The following NRF1 variants were observed in gnomAD, a reference collection of about 807,000 sequenced individuals.
NRF1 encodes alpha palindromic-binding protein.
NRF1 carries 5 observed loss-of-function variants against 58.5 expected under a neutral mutation model. That is an observed-to-expected ratio of 0.09 (90% CI 0.04 to 0.18). The LOEUF is 0.18. NRF1 is among the 10% of genes least tolerant of loss of function. The pLI is 1.00. For missense variants in NRF1, 288 were observed against 657.7 expected, an observed-to-expected ratio of 0.44 and a Z score of 6.15; for synonymous variants, 224 against 246.7, an observed-to-expected ratio of 0.91 and a Z score of 0.86.
intron 3 of NRF1, 98 bp downstream of exon 3, chr7:129,671,641 G>A: frequency 1.5e-6 from 1 of 667,670 alleles, no homozygotes; most frequent in Non-Finnish European, 2.7e-6. Context: ...AGGATGCTTG[G>A]TTCGATTCCT....
chr7:129,696,482 T>C (rs964782426), intron 5 of NRF1, among the ~76,000 whole-genome samples: 2 of 152,170 alleles, frequency 1.3e-5, no homozygotes, highest in African/African-American at 2.4e-5. Context: ...ATTCTTATTT[T>C]ATAGTCAAGG....
At chr7:129,689,421 G>A (rs2402974) in intron 4 of NRF1, among the ~76,000 whole-genome samples, 19,517 of 152,120 alleles carry the variant, frequency 0.13, 1,590 homozygotes, top group Admixed American at 0.23. Context: ...AGCCCAGAAA[G>A]CAAGTTAATT....
At chr7:129,703,053 CGTTTTAGA>C (rs1802869875) in intron 5 of NRF1, among the ~76,000 whole-genome samples, 1 of 151,904 alleles carries the variant, frequency 6.6e-6, no homozygotes, top group Non-Finnish European at 1.5e-5. Flanking sequence ...TTGGATAAGA[CGTTTTAGA>C]GTTTTAGAGA....
chr7:129,625,498 T>C (rs1044938781), intron 1 of NRF1, among the ~76,000 whole-genome samples: 3 of 151,828 alleles, frequency 2.0e-5, no homozygotes, highest in Non-Finnish European at 4.4e-5. Context: ...TATTTATTTA[T>C]TTTTAAATTT....
At chr7:129,754,029 G>T (rs1336932697) in intron 10 of NRF1, among the ~76,000 whole-genome samples, 1 of 152,140 alleles carries the variant, frequency 6.6e-6, no homozygotes, top group Non-Finnish European at 1.5e-5. Flanking sequence ...ACAGGCCGGG[G>T]ACATTCACAC....
At chr7:129,743,012 G>A (rs1175064253) in intron 10 of NRF1, among the ~76,000 whole-genome samples, 1 of 152,078 alleles carries the variant, frequency 6.6e-6, no homozygotes, top group Non-Finnish European at 1.5e-5. Flanking sequence ...AAGGAAGCCT[G>A]GGAGTTTCTA....
chr7:129,751,452 TG>T (rs1190318321), intron 10 of NRF1, among the ~76,000 whole-genome samples: 1 of 152,256 alleles, frequency 6.6e-6, no homozygotes, highest in African/African-American at 2.4e-5. Flanking sequence ...TCATTTATTC[TG>T]GGGAAAATCT....
intron 2 of NRF1, among the ~76,000 whole-genome samples, chr7:129,662,972 T>C (rs911432421): frequency 1.3e-5 from 2 of 152,232 alleles, no homozygotes; most frequent in Admixed American, 1.3e-4. Flanking sequence ...ACGAGCATGC[T>C]GTCTTCAAGC....
intron 10 of NRF1, chr7:129,735,006 G>C: frequency 1.0e-6 from 1 of 964,612 alleles, no homozygotes; most frequent in African/African-American, 1.8e-5. Flanking sequence ...GTTCATTTTT[G>C]CCTGGAGCGA....
chr7:129,658,930 A>G (rs554757001), intron 2 of NRF1, among the ~76,000 whole-genome samples: 1 of 152,230 alleles, frequency 6.6e-6, no homozygotes, highest in Non-Finnish European at 1.5e-5. Context: ...TTAGTAACCT[A>G]GAAATGATAC....
intron 5 of NRF1, among the ~76,000 whole-genome samples, chr7:129,707,959 A>G (rs1318322332): frequency 6.6e-6 from 1 of 152,228 alleles, no homozygotes; most frequent in Non-Finnish European, 1.5e-5. Context: ...CTTTAATATT[A>G]AAGTGTTGCT....
chr7:129,638,411 C>T (rs77995512), intron 1 of NRF1, among the ~76,000 whole-genome samples: 16 of 152,260 alleles, frequency 1.1e-4, no homozygotes, highest in African/African-American at 3.6e-4. Context: ...TTCTAAGAGA[C>T]TAGGAAGGTG....
intron 8 of NRF1, among the ~76,000 whole-genome samples, chr7:129,714,961 G>A (rs1177403220): frequency 6.6e-6 from 1 of 152,300 alleles, no homozygotes; most frequent in African/African-American, 2.4e-5. Context: ...AAGGTCCTGA[G>A]ACCCAGGAGT....
intron 3 of NRF1, among the ~76,000 whole-genome samples, chr7:129,673,277 C>T (rs1026671683): frequency 1.3e-5 from 2 of 152,052 alleles, no homozygotes; most frequent in Non-Finnish European, 2.9e-5. Context: ...GAATATAAAC[C>T]ATTGTTTCAA....
intron 5 of NRF1, among the ~76,000 whole-genome samples, chr7:129,708,644 T>C (rs1803004447): frequency 6.6e-6 from 1 of 152,232 alleles, no homozygotes; most frequent in Admixed American, 6.5e-5. Flanking sequence ...CTATAAATAA[T>C]AATGATTTTA....
chr7:129,645,046 TAA>T (rs201771420), intron 1 of NRF1, among the ~76,000 whole-genome samples: 170 of 136,224 alleles, frequency 1.2e-3, no homozygotes, highest in African/African-American at 1.9e-3. Context: ...TCACCCAGTG[TAA>T]AAAAAAAAAA....
At chr7:129,725,945 T>C (rs1803443459) in intron 9 of NRF1, among the ~76,000 whole-genome samples, 1 of 152,248 alleles carries the variant, frequency 6.6e-6, no homozygotes, top group African/African-American at 2.4e-5. Flanking sequence ...ACTTGTGTGC[T>C]GACTGTCTTA....
chr7:129,736,743 G>C (rs1290702065), intron 10 of NRF1, among the ~76,000 whole-genome samples: 2 of 138,934 alleles, frequency 1.4e-5, no homozygotes, highest in Non-Finnish European at 3.1e-5. Flanking sequence ...TTCATCTCCA[G>C]CCCACAAAAA....
Position 129,741,932 on chromosome 7 carries a change from C to T in NRF1, c.1349-13086C>T, listed in dbSNP as rs1335566848. Among the ~76,000 whole-genome samples, 1 of 152,190 alleles carries T rather than the reference C, an allele frequency of 6.6e-6. No individual in the cohort carries two copies. Among genetic ancestry groups the T allele is most frequent in the Non-Finnish European group, 1.5e-5 (1 of 68,036 alleles). ...TAATCTGAACAGGATAAACATGCTT[C>T]CTCTTTGTGCGATGCTCTTTCTCCA... On this transcript the variant is annotated intron_variant, in intron 10 of 10. Transcript: ENST00000393232. This position sits in a 1 kb window ranked among gnomAD's most constrained non-coding sequence, Gnocchi z 4.0.
Sources: gnomAD v4.1 joint callset for allele counts (sites outside exome capture counted in the v4.1 genomes callset) on GRCh38, gnomAD v4.1.1 for gene constraint, Gnocchi (gnomAD v3.1) non-coding constraint, MANE v1.5 for transcripts, NCBI Gene and HGNC (gene_info 2026-07-23, HGNC 2026-07-21) for gene names.